PHLPP2: variants seen among roughly 807,000 people sequenced by gnomAD.
PHLPP2 encodes the protein PH domain and leucine rich repeat protein phosphatase 2, also known as PH domain leucine-rich repeat-containing protein phosphatase 2.
In PHLPP2, 66 loss-of-function variants were observed where a neutral mutation model predicts 124.9. The ratio of observed to expected loss-of-function variants is 0.53; its 90% CI spans 0.43 to 0.65. The LOEUF (loss-of-function observed/expected upper bound fraction) is 0.65. PHLPP2 is among the 30% of genes least tolerant of loss of function. The pLI, the probability that PHLPP2 is intolerant of heterozygous loss-of-function variation, is 0.00. For synonymous variants in PHLPP2, 681 were observed against 624.7 expected, an observed-to-expected ratio of 1.09 and a Z score of -1.34; for missense variants, 1,685 against 1,600.4, an observed-to-expected ratio of 1.05 and a Z score of -0.90.
chr16:71,682,218 GTT>G (rs537663645), intron 5 of PHLPP2, among the ~76,000 whole-genome samples: 78 of 134,666 alleles, frequency 5.8e-4, no homozygotes, highest in African/African-American at 1.5e-3. Flanking sequence ...TTGTTTTTGG[GTT>G]TTTTTTTTTT....
intron 13 of PHLPP2, among the ~76,000 whole-genome samples, chr16:71,663,433 T>G (rs1211006175): frequency 6.6e-6 from 1 of 152,234 alleles, no homozygotes; most frequent in African/African-American, 2.4e-5. Context: ...TTTCTTAGAC[T>G]GCACTGCAAC....
chr16:71,723,935 G>A (rs1389153973), intron 1 of PHLPP2: 2 of 545,352 alleles, frequency 3.7e-6, no homozygotes, highest in Non-Finnish European at 4.8e-6. Context: ...CGGCGCGCGC[G>A]AGCAACCGGT....
chr16:71,674,580 CAAA>C (rs141347987), intron 9 of PHLPP2, among the ~76,000 whole-genome samples: 1 of 151,588 alleles, frequency 6.6e-6, no homozygotes, highest in South Asian at 2.1e-4. Flanking sequence ...TTTCCTTGCT[CAAA>C]AAAAAGTGTG....
rs377451800 is a variant in PHLPP2 at position 71,670,837 on chromosome 16, A to G, written c.1532+1425T>C. Among the ~76,000 whole-genome samples the G allele has an allele frequency of 4.2e-4, 64 of 152,274 alleles. 1 individual carries two copies. The highest frequency in any genetic ancestry group is 3.1e-3 in the East Asian group (16 of 5,180). ...GCACAGACAGCTGGACTGGCCATGA[A>G]CAGAGGAGAGAAGCTGAGAATGAAT... On this transcript the variant is annotated intron_variant, in intron 10 of 18. Coordinates refer to ENST00000568954, the MANE Select transcript of PHLPP2 (RefSeq NM_015020.3).
intron 10 of PHLPP2, 69 bp downstream of exon 10, chr16:71,672,193 C>T: frequency 9.6e-6 from 11 of 1,148,324 alleles, no homozygotes; most frequent in Non-Finnish European, 1.4e-5. Context: ...TACATCAAAA[C>T]TGCCAAAAAA....
At chr16:71,693,098 G>C (rs2045131595) in intron 3 of PHLPP2, among the ~76,000 whole-genome samples, 1 of 152,084 alleles carries the variant, frequency 6.6e-6, no homozygotes, top group African/African-American at 2.4e-5. Context: ...AGACCAGCCT[G>C]ACCAACATGG....
chr16:71,652,753 T>G, intron 18 of PHLPP2, 37 bp downstream of exon 18: 2 of 1,472,924 alleles, frequency 1.4e-6, no homozygotes, highest in Non-Finnish European at 1.9e-6. Context: ...TCCACTGATT[T>G]GGGGAGCAGA....
At chr16:71,705,836 A>T (rs1409239635) in intron 2 of PHLPP2, among the ~76,000 whole-genome samples, 2 of 152,226 alleles carry the variant, frequency 1.3e-5, no homozygotes, top group Non-Finnish European at 2.9e-5. Context: ...ACCGTAAGAA[A>T]GTATTTTCTT....
intron 5 of PHLPP2, among the ~76,000 whole-genome samples, chr16:71,682,649 C>T (rs2045013311): frequency 1.3e-5 from 2 of 152,116 alleles, no homozygotes; most frequent in Non-Finnish European, 2.9e-5. Context: ...CAGCACACTG[C>T]TAAACATGCA....
intron 1 of PHLPP2, among the ~76,000 whole-genome samples, chr16:71,715,823 C>CAAAAAAAA (rs71153656): frequency 8.0e-5 from 9 of 113,044 alleles, no homozygotes; most frequent in African/African-American, 9.9e-5. Flanking sequence ...ACTAAAAATA[C>CAAAAAAAA]AAAAAAAAAA....
chr16:71,692,878 T>C (rs183122676), intron 3 of PHLPP2, among the ~76,000 whole-genome samples: 1 of 152,196 alleles, frequency 6.6e-6, no homozygotes, highest in African/African-American at 2.4e-5. Context: ...CGACTGACTG[T>C]ATTCTAAATT....
intron 2 of PHLPP2, among the ~76,000 whole-genome samples, chr16:71,708,372 C>A (rs1272918781): frequency 6.6e-6 from 1 of 152,180 alleles, no homozygotes; most frequent in East Asian, 1.9e-4. Context: ...CTCCACTGAG[C>A]ATCTTGTAAC....
At chr16:71,679,326 C>T in intron 7 of PHLPP2, 63 bp downstream of exon 7, 1 of 1,442,494 alleles carries the variant, frequency 6.9e-7, no homozygotes, top group Non-Finnish European at 9.7e-7. Flanking sequence ...TACCTTCATT[C>T]CAAACCCCAG....
intron 1 of PHLPP2, chr16:71,723,802 C>G (rs1338957267): frequency 2.3e-6 from 3 of 1,303,726 alleles, no homozygotes; most frequent in Non-Finnish European, 2.9e-6. Flanking sequence ...GCCGGCGGCT[C>G]GCGGGCGCTT....
At chr16:71,659,119 G>A (rs1317918722) in intron 13 of PHLPP2, among the ~76,000 whole-genome samples, 1 of 152,102 alleles carries the variant, frequency 6.6e-6, no homozygotes, top group African/African-American at 2.4e-5. Context: ...CCTCAAGTTG[G>A]GGGATTAGTC....
intron 12 of PHLPP2, among the ~76,000 whole-genome samples, chr16:71,665,120 C>A (rs552361748): frequency 8.9e-4 from 136 of 152,034 alleles, no homozygotes; most frequent in African/African-American, 3.1e-3. Context: ...ACATCCTGGC[C>A]AACATGGTGA....
intron 1 of PHLPP2, among the ~76,000 whole-genome samples, chr16:71,719,608 A>G (rs76516276): frequency 2.6e-5 from 4 of 151,002 alleles, no homozygotes; most frequent in Admixed American, 6.6e-5. Flanking sequence ...ACCCAAAACT[A>G]TTCTTGAAAA....
chr16:71,661,971 C>A (rs1216741981), intron 13 of PHLPP2, among the ~76,000 whole-genome samples: 1 of 151,940 alleles, frequency 6.6e-6, no homozygotes, highest in Non-Finnish European at 1.5e-5. Context: ...TTACAGGCGC[C>A]CACCACCACA....
In PHLPP2 at chr16:71,649,817, T is replaced by C. The variant is rs896010584; in HGVS notation, c.3045A>G (p.Thr1015=). 12 of 1,613,900 alleles carry C rather than the reference T, an allele frequency of 7.4e-6. No individual in the cohort carries two copies. In the African/African-American group the frequency reaches 1.2e-4, roughly 16 times the overall value. ...CCTGACAGCCATAGCTCTGCGCTAA[T>C]GTGCACAGCTTCTTAGCAGCTGCTA... ...DPLAAAKKLC[T]LAQSYGCQDN... The change falls in exon 19 of 19, where the codon ACA becomes ACG. Residue 1015 remains threonine (T), a synonymous_variant. Coordinates refer to ENST00000568954, the MANE Select transcript of PHLPP2 (RefSeq NM_015020.3).
Sources: allele counts gnomAD v4.1 joint callset (sites outside exome capture counted in the v4.1 genomes callset), GRCh38; gene constraint gnomAD v4.1.1; transcripts MANE v1.5; gene names NCBI Gene and HGNC (gene_info 2026-07-23, HGNC 2026-07-21).